Variants in PCDHGA6 observed in about 807,000 individuals in gnomAD.
The protein encoded by PCDHGA6 is protocadherin gamma-A6.
Under a neutral mutation model 60.6 loss-of-function variants are expected in PCDHGA6, and 41 were observed. The observed-to-expected ratio is 0.68, with a 90% CI of 0.53 to 0.88. The LOEUF (loss-of-function observed/expected upper bound fraction) is 0.88, where lower values mean the gene tolerates loss of function less well. Among genes scored for constraint, PCDHGA6 ranks in the 40% least tolerant of loss-of-function variants. The pLI is 0.00. For missense variants in PCDHGA6, 1,312 were observed against 1,203.0 expected, an observed-to-expected ratio of 1.09 and a Z score of -1.34; for synonymous variants, 594 against 524.4, an observed-to-expected ratio of 1.13 and a Z score of -1.81.
At chr5:141,443,683 A>C (rs1358937790) in intron 1 of PCDHGA6, among the ~76,000 whole-genome samples, 1 of 152,248 alleles carries the variant, frequency 6.6e-6, no homozygotes, top group Admixed American at 6.5e-5. Flanking sequence ...GTTTACAAAC[A>C]CTTCAAAAAT....
intron 1 of PCDHGA6, chr5:141,399,248 A>G (rs2150780633): frequency 6.2e-7 from 1 of 1,613,870 alleles, no homozygotes; most frequent in South Asian, 1.1e-5. Context: ...GATTCTGGGG[A>G]AAATGGGGAG....
chr5:141,492,206 G>A (rs1180294159), intron 1 of PCDHGA6, among the ~76,000 whole-genome samples: 2 of 152,204 alleles, frequency 1.3e-5, no homozygotes, highest in Non-Finnish European at 2.9e-5. Context: ...TTAGGTGTGC[G>A]CGCGGGGCTC....
At chr5:141,456,949 C>A (rs1277351419) in intron 1 of PCDHGA6, among the ~76,000 whole-genome samples, 2 of 152,080 alleles carry the variant, frequency 1.3e-5, no homozygotes, top group East Asian at 3.9e-4. Flanking sequence ...GGCAACAGAG[C>A]AAAACTCCAT....
rs776176122 is a variant in PCDHGA6, at chr5:141,408,982, T to C, written c.2424+32475T>C. 124 of 1,613,830 alleles carry C rather than the reference T, an allele frequency of 7.7e-5. 1 individual carries two copies. Among genetic ancestry groups the C allele is most frequent in the Admixed American group, 3.7e-4 (22 of 59,994 alleles). ...GTGAAAATCTGCCCCCTGGGTCCCC[T>C]GTGTTGCAAGTGACAGCCACTGACC... On this transcript the variant is annotated intron_variant, in intron 1 of 3. Transcript: ENST00000517434.
Position 141,449,720 on chromosome 5 carries a change from T to C in PCDHGA6, c.2425-45087T>C, listed in dbSNP as rs373093679. 2.4e-4 allele frequency among the ~76,000 whole-genome samples: 36 copies of C among 151,876 alleles called. No individual in the cohort carries two copies. In the East Asian group the frequency reaches 3.1e-3, roughly 13 times the overall value. ...ACACAAACACATTATTTTTATATGA[T>C]ATGATTTTTTTATGACATGATTATT... On this transcript the variant is annotated intron_variant, in intron 1 of 3. Coordinates refer to ENST00000517434, the MANE Select transcript of PCDHGA6 (RefSeq NM_018919.3).
chr5:141,378,758 C>T (rs969501970), intron 1 of PCDHGA6: 1 of 152,162 alleles, frequency 6.6e-6, no homozygotes, highest in Admixed American at 6.5e-5. Flanking sequence ...AAGGGATTAT[C>T]ATTTAGAAGA....
intron 3 of PCDHGA6, among the ~76,000 whole-genome samples, chr5:141,510,378 C>A (rs919650449): frequency 6.6e-6 from 1 of 151,786 alleles, no homozygotes; most frequent in East Asian, 2.0e-4. Flanking sequence ...TCTACTCGTG[C>A]CAGGCCTTGC....
Position 141,477,304 on chromosome 5 carries a change from T to C in PCDHGA6, c.2425-17503T>C. The C allele has an allele frequency of 6.2e-7, 1 of 1,614,160 alleles. No individual in the cohort carries two copies. Among genetic ancestry groups the C allele is most frequent in the Non-Finnish European group, 8.5e-7 (1 of 1,180,030 alleles). ...CCTGCGAAGTTCCACCGGGTCTCCCTTTCAGCCTTACTTCTTCCCTCAAGA... is the reference window on the plus strand; with the variant it reads ...CCTGCGAAGTTCCACCGGGTCTCCCCTTCAGCCTTACTTCTTCCCTCAAGA... On this transcript the variant is annotated intron_variant, in intron 1 of 3. Transcript: ENST00000517434. This position sits in a 1 kb window ranked among gnomAD's most constrained non-coding sequence, Gnocchi z 4.9.
chr5:141,394,926 C>T, intron 1 of PCDHGA6: 2 of 1,613,844 alleles, frequency 1.2e-6, no homozygotes, highest in Non-Finnish European at 1.7e-6. Context: ...CTGTGTCTTC[C>T]TCGCCTTTGT....
intron 2 of PCDHGA6, among the ~76,000 whole-genome samples, chr5:141,502,865 T>C (rs538731947): frequency 3.0e-5 from 4 of 131,428 alleles, no homozygotes; most frequent in Non-Finnish European, 6.3e-5. Context: ...TGACTCTCTG[T>C]CTTTTTTTTT....
At chr5:141,454,344 G>A (rs1455147295) in intron 1 of PCDHGA6, among the ~76,000 whole-genome samples, 3 of 152,236 alleles carry the variant, frequency 2.0e-5, no homozygotes, top group Non-Finnish European at 4.4e-5. Flanking sequence ...AATGTTGGAA[G>A]TTGATCCAAA....
intron 1 of PCDHGA6, 96 bp from the exon 2 acceptor site, chr5:141,494,711 A>T (rs757105958): frequency 6.3e-7 from 1 of 1,599,616 alleles, no homozygotes; most frequent in Non-Finnish European, 8.5e-7. Context: ...CTCTGTGCCC[A>T]CTCCCCTCCT....
intron 2 of PCDHGA6, among the ~76,000 whole-genome samples, chr5:141,495,270 G>C (rs1428903664): frequency 1.3e-5 from 2 of 152,178 alleles, no homozygotes; most frequent in Non-Finnish European, 2.9e-5. Context: ...GCATTTGACC[G>C]GAGGAGGCGG....
intron 1 of PCDHGA6, chr5:141,384,826 G>T: frequency 6.2e-7 from 1 of 1,613,472 alleles, no homozygotes; most frequent in Non-Finnish European, 8.5e-7. Context: ...GCAGAGCCTC[G>T]TGGTGGCCGT....
rs201851177 is a variant in PCDHGA6, at chr5:141,376,061, C to G, written c.1978C>G (p.Leu660Val). The change falls in exon 1 of 4, where the codon CTC becomes GTC. Residue 660 changes from leucine to valine, a missense_variant. Transcript: ENST00000517434. ...GQPPLSATVTLTVAVADRIPD... is the reference protein window; with the variant it reads ...GQPPLSATVTVTVAVADRIPD... ...GCCCCCTCTCTCCGCCACTGTCACG[C>G]TCACCGTGGCCGTGGCCGACAGGAT... is the stretch of plus-strand genomic sequence containing the variant. The G allele has an allele frequency of 8.2e-4, 1,321 of 1,613,326 alleles. No individual in the cohort carries two copies. Among genetic ancestry groups the G allele is most frequent in the Non-Finnish European group, 1.0e-3 (1,200 of 1,179,910 alleles).
intron 3 of PCDHGA6, among the ~76,000 whole-genome samples, chr5:141,507,898 C>T (rs577177417): frequency 1.3e-5 from 2 of 152,310 alleles, no homozygotes; most frequent in East Asian, 1.9e-4. Flanking sequence ...TTCCTGAAGT[C>T]CAGCCCAGCC....
intron 1 of PCDHGA6, among the ~76,000 whole-genome samples, chr5:141,447,135 G>GT (rs905717632): frequency 9.9e-5 from 15 of 151,698 alleles, no homozygotes; most frequent in African/African-American, 3.4e-4. Flanking sequence ...TTGTTTGTTT[G>GT]TTTTTTGTTT....
intron 1 of PCDHGA6, chr5:141,392,999 C>A: frequency 6.2e-7 from 1 of 1,613,858 alleles, no homozygotes; most frequent in Non-Finnish European, 8.5e-7. Context: ...TGGCGAAGCA[C>A]GGAGTCCGTA....
intron 1 of PCDHGA6, among the ~76,000 whole-genome samples, chr5:141,474,417 C>CCATT (rs1206525105): frequency 6.6e-6 from 1 of 152,222 alleles, no homozygotes; most frequent in East Asian, 1.9e-4. Context: ...GATGCCTAGA[C>CCATT]CATTGGTCCT....
Sources: allele counts gnomAD v4.1 joint callset (sites outside exome capture counted in the v4.1 genomes callset), GRCh38; gene constraint gnomAD v4.1.1; non-coding constraint Gnocchi (gnomAD v3.1); transcripts MANE v1.5; gene names NCBI Gene and HGNC (gene_info 2026-07-23, HGNC 2026-07-21).